MRPL9: variants seen among roughly 807,000 people sequenced by gnomAD.
MRPL9 encodes the protein mitochondrial ribosomal protein L9.
MRPL9 carries 25 observed loss-of-function variants against 27.6 expected under a neutral mutation model. The ratio of observed to expected loss-of-function variants is 0.91; its 90% CI spans 0.66 to 1.27. The LOEUF is 1.27. Among genes scored for constraint, MRPL9 ranks in the 50% most tolerant of loss-of-function variants. The pLI, the probability that MRPL9 is intolerant of heterozygous loss-of-function variation, is 0.00. For missense variants in MRPL9, 362 were observed against 338.0 expected, an observed-to-expected ratio of 1.07 and a Z score of -0.56; for synonymous variants, 154 against 139.0, an observed-to-expected ratio of 1.11 and a Z score of -0.76.
At chr1:151,763,283 A>T (rs1306432998) in intron 1 of MRPL9, 44 bp downstream of exon 1, 2 of 1,564,144 alleles carry the variant, frequency 1.3e-6, no homozygotes, top group Non-Finnish European at 1.7e-6. Context: ...CTCCAGAAAC[A>T]ATACTCGAGC....
chr1:151,763,469 G>A lies in MRPL9; in HGVS notation c.11C>T (p.Pro4Leu), dbSNP rs748444708. 6.3e-7 allele frequency: 1 copy of A among 1,575,242 alleles called. No individual in the cohort carries two copies. The stretch of plus-strand genomic sequence containing the variant: ...AGCTCTGCCCGGGGCCGTGACAACG[G>A]GCGCCGCCATGTTCACAGGCACAGA... MAA[P>L]VVTAPGRALL... The change falls in exon 1 of 7, where the codon CCC (proline) becomes CTC (leucine). Residue 4 changes from proline (P) to leucine (L), a missense_variant. Pro to Leu is a moderately conservative substitution (Grantham distance 98). Transcript: ENST00000368830.
chr1:151,762,244 C>G, intron 3 of MRPL9, 89 bp from the exon 4 acceptor site: 2 of 1,564,442 alleles, frequency 1.3e-6, no homozygotes, highest in Non-Finnish European at 1.8e-6. Context: ...TGGACATTGG[C>G]TGGGCTTCTG....
At chr1:151,761,250 T>C (rs1390216372) in intron 5 of MRPL9, among the ~76,000 whole-genome samples, 1 of 152,226 alleles carries the variant, frequency 6.6e-6, no homozygotes, top group Non-Finnish European at 1.5e-5. Flanking sequence ...CACCTTTTCC[T>C]ATCAGTCTTC....
Position 151,762,439 on chromosome 1 carries a change from A to C in MRPL9, c.372T>G (p.Leu124=). The change falls in exon 3 of 7, where the codon CTT becomes CTG. Residue 124 remains leucine, a synonymous_variant. Transcript: ENST00000368830. ...ATGCATATACAGCCAGTCCCTGAGGAAGGAGTCGATTCCGGCCTAAAGATT... is the reference window on the plus strand; with the variant it reads ...ATGCATATACAGCCAGTCCCTGAGGCAGGAGTCGATTCCGGCCTAAAGATT... ...VKKSLGRNRL[L]PQGLAVYASP... 1 of 1,614,202 alleles carries C rather than the reference A, an allele frequency of 6.2e-7. No homozygotes were observed. Among genetic ancestry groups the C allele is most frequent in the East Asian group, 2.2e-5 (1 of 44,886 alleles).
At chr1:151,762,033 G>C in intron 4 of MRPL9, 72 bp downstream of exon 4, 10 of 1,469,002 alleles carry the variant, frequency 6.8e-6, no homozygotes, top group Non-Finnish European at 9.5e-6. Context: ...GACCTCAAGG[G>C]AATCAGGGAG....
chr1:151,759,886 G>T lies in MRPL9; in HGVS notation c.*164C>A. On this transcript the variant is annotated 3_prime_UTR_variant, in exon 7 of 7. Transcript: ENST00000368830. ...TGCCCCAGTGATGACAGTTAAAGAT[G>T]GCAAAAATGAAGAATTCAACATGTA... The T allele has an allele frequency of 1.1e-6, 1 of 907,298 alleles. No homozygotes were observed. The highest frequency in any genetic ancestry group is 1.6e-6 in the Non-Finnish European group (1 of 639,176). 56.2% of individuals were successfully genotyped at this position (907,298 alleles called of 1,614,324 possible).
At chr1:151,761,614 A>C in intron 4 of MRPL9, 62 bp from the exon 5 acceptor site, 1 of 1,277,364 alleles carries the variant, frequency 7.8e-7, no homozygotes. Context: ...CAGGGTATGC[A>C]AGCCAAGCAA....
In MRPL9 at chr1:151,762,453, G is replaced by A; in HGVS notation, c.358C>T (p.Arg120Trp). 3 of 1,614,052 alleles carry A rather than the reference G, an allele frequency of 1.9e-6. No individual in the cohort carries two copies. The highest frequency in any genetic ancestry group is 2.5e-6 in the Non-Finnish European group (3 of 1,179,992). Residue 120 changes from arginine (R) to tryptophan (W), a missense_variant, in exon 3 of 7, where the codon CGG becomes TGG. Arg to Trp is a moderately radical substitution (Grantham distance 101). Transcript: ENST00000368830. ...DLVSVKKSLG[R>W]NRLLPQGLAV... ...AGTCCCTGAGGAAGGAGTCGATTCCGGCCTAAAGATTTCTTCACTGAGACC... is the reference window on the plus strand; with the variant it reads ...AGTCCCTGAGGAAGGAGTCGATTCCAGCCTAAAGATTTCTTCACTGAGACC...
chr1:151,760,777 G>GAGAA (rs761605014), intron 6 of MRPL9, 39 bp downstream of exon 6: 2 of 1,513,242 alleles, frequency 1.3e-6, no homozygotes, highest in Admixed American at 2.3e-5. Context: ...GGGGGAAAAG[G>GAGAA]AGAAAGAAAA....
Position 151,763,016 on chromosome 1 carries a change from T to C in MRPL9, c.284A>G (p.Glu95Gly). ...DTKHRPKENLELILTQSVENV... is the reference protein window; with the variant it reads ...DTKHRPKENLGLILTQSVENV... ...CTCCACCGACTGCGTCAGGATGAGC[T>C]CCAGGTTTTCTTTGGGCCGATGCTT... The change falls in exon 2 of 7, where the codon GAG becomes GGG. Residue 95 changes from glutamate (E) to glycine (G), a missense_variant. By Grantham distance (98) the Glu-to-Gly change is moderately conservative. Coordinates refer to ENST00000368830, the MANE Select transcript of MRPL9 (RefSeq NM_031420.4). 1.2e-6 allele frequency: 2 copies of C among 1,614,046 alleles called. No homozygotes were observed. The highest frequency in any genetic ancestry group is 1.3e-5 in the African/African-American group (1 of 75,048).
At position 151,760,083 on chromosome 1, in the gene MRPL9, G is replaced by C; in HGVS notation, c.771C>G (p.Ala257=). ...GGGGGCTGGTGGGGGCCATAGCCTT[G>C]GCAGCTTGCTGGGCTAACCAGTACT... The part of the protein sequence containing the change: ...RYKYWLAQQA[A]KAMAPTSPQI The change falls in exon 7 of 7, where the codon GCC becomes GCG. Residue 257 remains alanine (A), a synonymous_variant. Coordinates refer to ENST00000368830, the MANE Select transcript of MRPL9 (RefSeq NM_031420.4). 6.2e-7 allele frequency: 1 copy of C among 1,614,100 alleles called. No individual in the cohort carries two copies.
rs377185746 is a variant in MRPL9 at position 151,762,977 on chromosome 1, G to C, written c.310+13C>G. 17 of 1,612,380 alleles carry C rather than the reference G, an allele frequency of 1.1e-5. No homozygotes were observed. The African/African-American group carries it at 2.1e-4, about 20-fold the overall frequency. On this transcript the variant is annotated intron_variant, in intron 2 of 6. Coordinates refer to ENST00000368830, the MANE Select transcript of MRPL9 (RefSeq NM_031420.4). ...GACCAGCCTGAGAGGAAGCGCCTCGGCCCGGGCCTTACTCTCCACCGACTG... is the reference window on the plus strand; with the variant it reads ...GACCAGCCTGAGAGGAAGCGCCTCGCCCCGGGCCTTACTCTCCACCGACTG...
intron 5 of MRPL9, 49 bp from the exon 6 acceptor site, chr1:151,760,948 T>G: frequency 1.4e-6 from 2 of 1,457,770 alleles, no homozygotes; most frequent in African/African-American, 3.0e-5. Context: ...ATGAACTCTG[T>G]TTTCATGACT....
intron 1 of MRPL9, 33 bp downstream of exon 1, chr1:151,763,293 CG>C (rs1648202338): frequency 6.3e-7 from 1 of 1,575,136 alleles, no homozygotes; most frequent in South Asian, 1.2e-5. Context: ...AATACTCGAG[CG>C]TATCTACCCC....
chr1:151,759,716 C>A lies in MRPL9; in HGVS notation c.*334G>T. ...TTCAGTTTGGATGATGAGAATGAGG[C>A]AAGTACTGGAGACAATGGCTGGCTC... On this transcript the variant is annotated 3_prime_UTR_variant, in exon 7 of 7. Coordinates refer to ENST00000368830, the MANE Select transcript of MRPL9 (RefSeq NM_031420.4). 4.8e-6 allele frequency: 1 copy of A among 209,804 alleles called. No homozygotes were observed. The highest frequency in any genetic ancestry group is 9.4e-6 in the Non-Finnish European group (1 of 106,706). The allele number at this position is 209,804 out of a possible 1,614,324, so 13.0% of individuals were successfully genotyped here.
Position 151,763,400 on chromosome 1 carries a change from T to TGGAC in MRPL9, c.76_79dup (p.Gln27ArgfsTer10), listed in dbSNP as rs1212611786. 7.0e-6 allele frequency: 11 copies of TGGAC among 1,566,228 alleles called. No individual in the cohort carries two copies. Among genetic ancestry groups the TGGAC allele is most frequent in the African/African-American group, 1.4e-5 (1 of 73,656 alleles). ...TTCATGTCGCGGCCGCAGTAGCTCC[T>TGGAC]GGACGCCTCCCCGAAGCAGCCGTCC... On this transcript the variant is annotated frameshift_variant, in exon 1 of 7. Coordinates refer to ENST00000368830, the MANE Select transcript of MRPL9 (RefSeq NM_031420.4). LOFTEE classifies it high-confidence loss of function.
intron 6 of MRPL9, among the ~76,000 whole-genome samples, chr1:151,760,439 C>T (rs10888434): frequency 0.52 from 79,095 of 151,468 alleles, 21,364 homozygotes; most frequent in African/African-American, 0.64. Context: ...TAGCCAGGCA[C>T]GGTGGCGTGT....
At chr1:151,760,743 G>C in intron 6 of MRPL9, 73 bp downstream of exon 6, 1 of 1,348,846 alleles carries the variant, frequency 7.4e-7, no homozygotes, top group Non-Finnish European at 1.0e-6. Context: ...CTGTCTTTAA[G>C]AGAAAGGAAA....
At position 151,761,504 on chromosome 1, in the gene MRPL9, T is replaced by C. The variant is rs777672147; in HGVS notation, c.535A>G (p.Asn179Asp). The change falls in exon 5 of 7, where the codon AAT becomes GAT. Residue 179 changes from asparagine (N) to aspartate (D), a missense_variant. Physicochemically the swap from Asn to Asp is conservative, Grantham distance 23. Transcript: ENST00000368830. ...TCAGGGTTCAGCTCCCATTTGACAT[T>C]GTTCTTCATCCCTACCTCCAGGCGA... Reference protein sequence around the residue: ...SCRLEVGMKNNVKWELNPEIV... With the variant: ...SCRLEVGMKNDVKWELNPEIV... 6.2e-7 allele frequency: 1 copy of C among 1,614,056 alleles called. No individual in the cohort carries two copies.
Sources: allele counts gnomAD v4.1 joint callset (sites outside exome capture counted in the v4.1 genomes callset), GRCh38; gene constraint gnomAD v4.1.1; transcripts MANE v1.5; gene names NCBI Gene and HGNC (gene_info 2026-07-23, HGNC 2026-07-21).